SH2B3: variants seen among roughly 807,000 people sequenced by gnomAD.
The protein encoded by SH2B3 is SH2B adapter protein 3.
A neutral mutation model predicts 51.9 loss-of-function variants in SH2B3; 43 were observed. That is an observed-to-expected ratio of 0.83 (90% CI 0.65 to 1.07). SH2B3 has a LOEUF of 1.07. SH2B3 is among the 50% of genes least tolerant of loss of function. The probability of loss-of-function intolerance (pLI) is 0.00; values close to 1 mark genes in which losing one functional copy is unlikely to be tolerated. For synonymous variants in SH2B3, 396 were observed against 376.0 expected, an observed-to-expected ratio of 1.05 and a Z score of -0.62; for missense variants, 952 against 834.3, an observed-to-expected ratio of 1.14 and a Z score of -1.74.
In SH2B3 at chr12:111,449,742, C is replaced by T. The variant is rs528559792; in HGVS notation, c.*1440C>T. The T allele has an allele frequency of 6.6e-6, 1 of 152,160 alleles. No individual in the cohort carries two copies. 9.4% of individuals were successfully genotyped at this position (152,160 alleles called of 1,614,324 possible). A position where few individuals can be genotyped will look rare whatever the true frequency, so the allele number is the denominator to read the frequency against. On this transcript the variant is annotated 3_prime_UTR_variant, in exon 8 of 8. Transcript: ENST00000341259. ...AAACTGGGAGTTTAGATCAGCTTTA[C>T]AGATACATCGATCAGAGGCTAAAAT... is the stretch of plus-strand genomic sequence containing the variant.
chr12:111,447,274 C>T, intron 5 of SH2B3, 55 bp downstream of exon 5: 1 of 1,584,644 alleles, frequency 6.3e-7, no homozygotes, highest in Non-Finnish European at 8.7e-7. Context: ...AACCCAGACT[C>T]AGCCCAGGAC....
At position 111,435,670 on chromosome 12, in the gene SH2B3, C is replaced by CT. The variant is rs1475309272; in HGVS notation, c.733-11081dup. 6.6e-6 allele frequency among the ~76,000 whole-genome samples: 1 copy of CT among 152,192 alleles called. No homozygotes were observed. Among genetic ancestry groups the CT allele is most frequent in the Non-Finnish European group, 1.5e-5 (1 of 68,026 alleles). On this transcript the variant is annotated intron_variant, in intron 2 of 7. Transcript: ENST00000341259. The surrounding 1 kb of genome is among the most constrained non-coding windows in gnomAD (Gnocchi z 4.8). ...CCCCCACCCACTGCAGGGAGCCAGG[C>CT]TTGCCCCCTCCCTGCCAAGGGAGCT...
Position 111,418,763 on chromosome 12 carries a change from C to A in SH2B3, c.618C>A (p.Ala206=), listed in dbSNP as rs1332931823. 2 of 1,478,756 alleles carry A rather than the reference C, an allele frequency of 1.4e-6. No individual in the cohort carries two copies. Among genetic ancestry groups the A allele is most frequent in the Admixed American group, 4.7e-5 (2 of 42,316 alleles). The allele number at this position is 1,478,756 out of a possible 1,614,324, so 91.6% of individuals were successfully genotyped here. Residue 206 remains alanine, a synonymous_variant, in exon 2 of 8, where the codon GCC becomes GCA. Transcript: ENST00000341259. This position sits in a 1 kb window ranked among gnomAD's most constrained non-coding sequence, Gnocchi z 6.7. ...LKEAVLRYSL[A]DEASMDSGAR... ...AGGCGGTGCTGCGCTACAGCCTGGC[C>A]GACGAGGCCTCCATGGACAGCGGGG...
At chr12:111,447,920 C>G in intron 7 of SH2B3, 63 bp from the exon 8 acceptor site, 1 of 1,549,916 alleles carries the variant, frequency 6.5e-7, no homozygotes, top group South Asian at 1.2e-5. Flanking sequence ...GTATCTTGTT[C>G]TGTGTCCTGT....
At chr12:111,441,530 G>A (rs1466244303) in intron 2 of SH2B3, among the ~76,000 whole-genome samples, 1 of 152,096 alleles carries the variant, frequency 6.6e-6, no homozygotes, top group Non-Finnish European at 1.5e-5. Flanking sequence ...CAGGATACTG[G>A]ATGGCTTTTA....
rs1190000836 is a variant in SH2B3, at chr12:111,446,843, T to A, written c.823T>A (p.Phe275Ile). ...RLEMPDNLYTFVLKVKDRTDI... is the reference protein window; with the variant it reads ...RLEMPDNLYTIVLKVKDRTDI... ...TGAGATGCCTGACAACCTTTACACC[T>A]TTGTGCTGAAGGTGAGTGACAAGGC... Residue 275 changes from phenylalanine (F) to isoleucine (I), a missense_variant, in exon 3 of 8, where the codon TTT (phenylalanine) becomes ATT (isoleucine). Transcript: ENST00000341259. 6.2e-7 allele frequency: 1 copy of A among 1,602,406 alleles called. No homozygotes were observed. Among genetic ancestry groups the A allele is most frequent in the East Asian group, 2.2e-5 (1 of 44,742 alleles).
chr12:111,412,952 C>T (rs900838861), intron 1 of SH2B3, among the ~76,000 whole-genome samples: 10 of 152,132 alleles, frequency 6.6e-5, no homozygotes, highest in Non-Finnish European at 1.0e-4. Flanking sequence ...GAGCTACTGC[C>T]GACTCCTGAC....
intron 2 of SH2B3, among the ~76,000 whole-genome samples, chr12:111,439,355 G>T (rs1873189709): frequency 6.6e-6 from 1 of 152,184 alleles, no homozygotes; most frequent in Admixed American, 6.5e-5. Flanking sequence ...CTCCATGTTG[G>T]TCAGGCTGGT....
intron 2 of SH2B3, among the ~76,000 whole-genome samples, chr12:111,421,401 C>CTTT (rs550860498): frequency 1.5e-4 from 14 of 90,642 alleles, no homozygotes; most frequent in East Asian, 3.5e-4. Flanking sequence ...TAGTGTCTTC[C>CTTT]TTTTTTTTTT....
rs1212135213 is a variant in SH2B3, at chr12:111,409,956, C to T, written c.-28+3679C>T. 6.6e-6 allele frequency among the ~76,000 whole-genome samples: 1 copy of T among 152,206 alleles called. No individual in the cohort carries two copies. The highest frequency in any genetic ancestry group is 2.4e-5 in the African/African-American group (1 of 41,452). On this transcript the variant is annotated intron_variant, in intron 1 of 7. Coordinates refer to ENST00000341259, the MANE Select transcript of SH2B3 (RefSeq NM_005475.3). This position sits in a 1 kb window ranked among gnomAD's most constrained non-coding sequence, Gnocchi z 4.0. The stretch of plus-strand genomic sequence containing the variant: ...CAGTTAGATAGAAGATTTTTCCTCC[C>T]ACGCCACCCTGTCAGGGGTCGGCCA...
At chr12:111,439,252 C>T (rs961452249) in intron 2 of SH2B3, among the ~76,000 whole-genome samples, 1 of 152,094 alleles carries the variant, frequency 6.6e-6, no homozygotes, top group South Asian at 2.1e-4. Context: ...TGGGTTCAAG[C>T]GATTCTCCTG....
intron 2 of SH2B3, among the ~76,000 whole-genome samples, chr12:111,423,518 C>T (rs1343027616): frequency 2.0e-5 from 3 of 151,910 alleles, no homozygotes; most frequent in Non-Finnish European, 4.4e-5. Context: ...TACAGGTGCC[C>T]GCCACCACAC....
intron 1 of SH2B3, among the ~76,000 whole-genome samples, chr12:111,415,325 G>C (rs560918886): frequency 6.6e-6 from 1 of 152,188 alleles, no homozygotes; most frequent in African/African-American, 2.4e-5. Flanking sequence ...CAGGCCCAGC[G>C]AGGGTCAGGA....
rs192673618 is a variant in SH2B3 at position 111,438,612 on chromosome 12, C to T, written c.733-8141C>T. 1.3e-5 allele frequency among the ~76,000 whole-genome samples: 2 copies of T among 152,312 alleles called. No individual in the cohort carries two copies. Among genetic ancestry groups the T allele is most frequent in the East Asian group, 1.9e-4 (1 of 5,176 alleles). ...ACCCACCACCTAGCAGGCACTGGCT[C>T]GCGGCCAAGGACACCACGTGAGCAA... On this transcript the variant is annotated intron_variant, in intron 2 of 7. Transcript: ENST00000341259. This position sits in a 1 kb window ranked among gnomAD's most constrained non-coding sequence, Gnocchi z 4.2.
intron 2 of SH2B3, among the ~76,000 whole-genome samples, chr12:111,441,643 A>G (rs908247131): frequency 2.0e-5 from 3 of 152,108 alleles, no homozygotes; most frequent in African/African-American, 7.2e-5. Context: ...CCTCAATCCC[A>G]TATTACCTTG....
intron 2 of SH2B3, among the ~76,000 whole-genome samples, chr12:111,420,614 T>C (rs1471552931): frequency 2.0e-5 from 3 of 152,182 alleles, no homozygotes; most frequent in Non-Finnish European, 4.4e-5. Flanking sequence ...GGGCTCACGA[T>C]GTGGGTGGAG....
rs146739734 is a variant in SH2B3 at position 111,446,755 on chromosome 12, T to C, written c.735T>C (p.Ser245=). The change falls in exon 3 of 8, where the codon AGT becomes AGC. Residue 245 remains serine (S), a splice_region_variant and synonymous_variant. Transcript: ENST00000341259. ...RVLELFDPPK[S]SRPKLQAACS... is the part of the protein sequence containing the mutation. ...AGTACCCCAACTTGGTCTCGTAGAG[T>C]TCAAGGCCCAAGCTACAAGCAGCTT... is the stretch of plus-strand genomic sequence containing the variant. 2 of 1,536,600 alleles carry C rather than the reference T, an allele frequency of 1.3e-6. No homozygotes were observed. Among genetic ancestry groups the C allele is most frequent in the Non-Finnish European group, 1.8e-6 (2 of 1,139,462 alleles).
chr12:111,432,119 CTTT>C (rs59813434), intron 2 of SH2B3, among the ~76,000 whole-genome samples: 2 of 141,576 alleles, frequency 1.4e-5, no homozygotes, highest in Admixed American at 7.0e-5. Flanking sequence ...TTTCTGTATT[CTTT>C]TTTTTTTTTT....
At chr12:111,416,500 G>GT (rs1215003760) in intron 1 of SH2B3, among the ~76,000 whole-genome samples, 2 of 150,328 alleles carry the variant, frequency 1.3e-5, no homozygotes, top group Admixed American at 1.3e-4. Flanking sequence ...TTGTTTTTTT[G>GT]TTTTTTGTTT....
Sources: allele counts gnomAD v4.1 joint callset (sites outside exome capture counted in the v4.1 genomes callset), GRCh38; gene constraint gnomAD v4.1.1; non-coding constraint Gnocchi (gnomAD v3.1); transcripts MANE v1.5; gene names NCBI Gene and HGNC (gene_info 2026-07-23, HGNC 2026-07-21).